The following DPP4 variants were observed in gnomAD, a reference collection of about 807,000 sequenced individuals.
The protein encoded by DPP4 is ADCP-2.
DPP4 carries 93 observed loss-of-function variants against 122.4 expected under a neutral mutation model. The observed-to-expected ratio is 0.76, with a 90% confidence interval of 0.64 to 0.90. DPP4 has a LOEUF of 0.90. DPP4 is among the 40% of genes least tolerant of loss of function. DPP4 has a pLI of 0.00. For synonymous variants in DPP4, 321 were observed against 302.9 expected, an observed-to-expected ratio of 1.06 and a Z score of -0.62; for missense variants, 914 against 907.3, an observed-to-expected ratio of 1.01 and a Z score of -0.09.
chr2:162,066,126 G>T (rs1438258373), intron 2 of DPP4, among the ~76,000 whole-genome samples: 1 of 152,132 alleles, frequency 6.6e-6, no homozygotes, highest in East Asian at 1.9e-4. Context: ...CAGCCAGGAG[G>T]CAAGAGAAAT....
At chr2:162,039,058 A>G (rs777667719) in intron 6 of DPP4, 37 bp from the exon 7 acceptor site, 2 of 1,612,704 alleles carry the variant, frequency 1.2e-6, no homozygotes, top group South Asian at 2.2e-5. Context: ...ATCAAAAAGA[A>G]TAACTCACAT....
intron 22 of DPP4, among the ~76,000 whole-genome samples, chr2:162,008,236 T>A (rs1176278044): frequency 1.3e-5 from 2 of 152,168 alleles, no homozygotes; most frequent in East Asian, 3.8e-4. Context: ...CTTCTCTCAC[T>A]CTGCTAATAT....
intron 2 of DPP4, 133 bp downstream of exon 2, chr2:162,073,265 TG>T: frequency 2.5e-6 from 2 of 803,904 alleles, no homozygotes; most frequent in East Asian, 2.6e-5. Context: ...CAACAACAAC[TG>T]GGAAGCCTTC....
At chr2:162,005,880 A>T in intron 22 of DPP4, 71 bp from the exon 23 acceptor site, 1 of 1,198,710 alleles carries the variant, frequency 8.3e-7, no homozygotes. Flanking sequence ...TTAATGGGCC[A>T]CTTCAGTGTT....
At chr2:162,030,854 A>G (rs1683525082) in intron 10 of DPP4, among the ~76,000 whole-genome samples, 1 of 152,194 alleles carries the variant, frequency 6.6e-6, no homozygotes, top group Non-Finnish European at 1.5e-5. Flanking sequence ...TCCACACAAA[A>G]TCTCCATAGT....
At chr2:162,037,793 T>C (rs1298575657) in intron 8 of DPP4, among the ~76,000 whole-genome samples, 1 of 152,192 alleles carries the variant, frequency 6.6e-6, no homozygotes, top group African/African-American at 2.4e-5. Context: ...GCCTTTCTAA[T>C]TGCTTTTTTA....
intron 19 of DPP4, among the ~76,000 whole-genome samples, chr2:162,013,388 A>G (rs1378098157): frequency 6.6e-6 from 1 of 152,160 alleles, no homozygotes; most frequent in East Asian, 1.9e-4. Flanking sequence ...AAAAGAAATC[A>G]GATAACACAT....
chr2:162,006,501 C>T (rs1701285853), intron 22 of DPP4, among the ~76,000 whole-genome samples: 2 of 152,228 alleles, frequency 1.3e-5, no homozygotes, highest in South Asian at 2.1e-4. Flanking sequence ...TGTTTTCTCT[C>T]ATTTTGTGGT....
In DPP4 at chr2:162,038,377, A is replaced by G. The variant is rs1432533262; in HGVS notation, c.538T>C (p.Leu180=). The G allele has an allele frequency of 6.2e-7, 1 of 1,609,004 alleles. No homozygotes were observed. Among genetic ancestry groups the G allele is most frequent in the Admixed American group, 1.7e-5 (1 of 59,424 alleles). The change falls in exon 8 of 26, where the codon TTA becomes CTA. Residue 180 remains leucine (L), a synonymous_variant. Coordinates refer to ENST00000360534, the MANE Select transcript of DPP4 (RefSeq NM_001935.4). Reference sequence around the variant, plus strand: ...GTCCATGTGATTCTGTAACTTGGTAAATTTGGTTCAATTTTAACATAAATG... The same window carrying G: ...GTCCATGTGATTCTGTAACTTGGTAGATTTGGTTCAATTTTAACATAAATG... The part of the protein sequence containing the change: ...NDIYVKIEPN[L]PSYRITWTGK...
chr2:162,068,066 C>T (rs764523747), intron 2 of DPP4, among the ~76,000 whole-genome samples: 4 of 152,132 alleles, frequency 2.6e-5, no homozygotes, highest in Non-Finnish European at 5.9e-5. Context: ...ACATCAGAAG[C>T]AAAGCAAGTG....
chr2:162,061,786 A>T (rs1470367986), intron 2 of DPP4, among the ~76,000 whole-genome samples: 1 of 152,240 alleles, frequency 6.6e-6, no homozygotes, highest in Admixed American at 6.5e-5. Flanking sequence ...CACTAGAGAC[A>T]TCACAGTGAA....
chr2:162,043,902 C>T (rs1684081928), intron 5 of DPP4, among the ~76,000 whole-genome samples: 1 of 152,116 alleles, frequency 6.6e-6, no homozygotes, highest in Non-Finnish European at 1.5e-5. Context: ...GTGGTGCACA[C>T]CTGTAGTCTC....
chr2:162,055,780 G>C (rs1029635979), intron 2 of DPP4, among the ~76,000 whole-genome samples: 1 of 152,174 alleles, frequency 6.6e-6, no homozygotes, highest in Non-Finnish European at 1.5e-5. Flanking sequence ...CCAAACTTTG[G>C]TTAGGGACAT....
At position 162,038,977 on chromosome 2, in the gene DPP4, A is replaced by G. The variant is rs762930297; in HGVS notation, c.464T>C (p.Val155Ala). Residue 155 changes from valine to alanine, a missense_variant, in exon 7 of 26, where the codon GTC (valine) becomes GCC (alanine). By Grantham distance (64) the Val-to-Ala change is moderately conservative. Transcript: ENST00000360534. ...EERIPNNTQW[V>A]TWSPVGHKLA... Reference sequence around the variant, plus strand: ...TTTATGACCCACTGGTGACCATGTGACCCACTGTGTGTTGTTTGGAATCCT... The same window carrying G: ...TTTATGACCCACTGGTGACCATGTGGCCCACTGTGTGTTGTTTGGAATCCT... The G allele has an allele frequency of 4.3e-6, 7 of 1,613,348 alleles. No homozygotes were observed. In the Admixed American group the frequency reaches 1.2e-4, roughly 27 times the overall value.
intron 18 of DPP4, among the ~76,000 whole-genome samples, chr2:162,016,376 T>G (rs1415767538): frequency 6.6e-6 from 1 of 152,214 alleles, no homozygotes; most frequent in African/African-American, 2.4e-5. Flanking sequence ...CAATATTTTA[T>G]AGCCAACACG....
At chr2:162,046,881 T>A (rs369337488) in intron 4 of DPP4, 34 bp downstream of exon 4, 6 of 1,364,816 alleles carry the variant, frequency 4.4e-6, no homozygotes, top group Non-Finnish European at 6.3e-6. Context: ...TCCCCAGAAT[T>A]CTATGCATGA....
At chr2:162,056,333 G>A (rs141662541) in intron 2 of DPP4, among the ~76,000 whole-genome samples, 4 of 152,136 alleles carry the variant, frequency 2.6e-5, no homozygotes, top group African/African-American at 9.6e-5. Context: ...GTATACAGTA[G>A]ACACTCAATA....
chr2:162,039,239 T>A, intron 5 of DPP4, 55 bp from the exon 6 acceptor site: 1 of 1,457,950 alleles, frequency 6.9e-7, no homozygotes, highest in Non-Finnish European at 9.6e-7. Context: ...ATTTGGCCAC[T>A]CACTATAGGA....
intron 5 of DPP4, among the ~76,000 whole-genome samples, chr2:162,041,265 TA>T (rs1227719455): frequency 6.6e-6 from 1 of 152,218 alleles, no homozygotes; most frequent in Non-Finnish European, 1.5e-5. Flanking sequence ...GTTACTTGTC[TA>T]TACGTCTGCC....
Sources: gnomAD v4.1 joint callset for allele counts (sites outside exome capture counted in the v4.1 genomes callset) on GRCh38, gnomAD v4.1.1 for gene constraint, MANE v1.5 for transcripts, NCBI Gene and HGNC (gene_info 2026-07-23, HGNC 2026-07-21) for gene names.